The following PRKN variants were observed in gnomAD, a reference collection of about 807,000 sequenced individuals.
The protein encoded by PRKN is parkin RBR E3 ubiquitin protein ligase, also known as E3 ubiquitin-protein ligase parkin.
In PRKN, 56 loss-of-function variants were observed where a neutral mutation model predicts 59.5. The observed-to-expected ratio is 0.94, with a 90% CI of 0.76 to 1.18. The LOEUF is 1.18. Among genes scored for constraint, PRKN ranks in the 50% most tolerant of loss-of-function variants. The pLI, the probability that PRKN is intolerant of heterozygous loss-of-function variation, is 0.00. For synonymous variants in PRKN, 250 were observed against 222.1 expected (o/e 1.13, Z -1.12); for missense variants, 657 against 596.4 (o/e 1.10, Z -1.06).
chr6:162,651,481 T>C (rs948423635), intron 1 of PRKN, among the ~76,000 whole-genome samples: 2 of 152,188 alleles, frequency 1.3e-5, no homozygotes, highest in Admixed American at 6.5e-5. Flanking sequence ...CTCTCAATTA[T>C]TGCATTTTGA....
chr6:161,742,056 G>A lies in PRKN; in HGVS notation c.871+43716C>T, dbSNP rs182306629. ...ACGATCTTGGCACGCTGCAACCTCC[G>A]CCTCCGAGGCTCAAGTGATTCTCCT... On this transcript the variant is annotated intron_variant, in intron 7 of 11. Coordinates refer to ENST00000366898, the MANE Select transcript of PRKN (RefSeq NM_004562.3). 1.5e-3 allele frequency among the ~76,000 whole-genome samples: 228 copies of A among 152,146 alleles called. 1 individual carries two copies. Among genetic ancestry groups the A allele is most frequent in the African/African-American group, 5.2e-3 (217 of 41,514 alleles).
intron 4 of PRKN, among the ~76,000 whole-genome samples, chr6:162,157,543 A>G (rs1562547942): frequency 6.6e-6 from 1 of 150,886 alleles, no homozygotes; most frequent in Admixed American, 6.6e-5. Flanking sequence ...GCAAGACCAG[A>G]GCTTAGAAAA....
At chr6:162,668,493 C>T (rs73022433) in intron 1 of PRKN, among the ~76,000 whole-genome samples, 12,528 of 151,944 alleles carry the variant, frequency 0.082, 771 homozygotes, top group Admixed American at 0.2. Flanking sequence ...ATGCCAGAGA[C>T]GGGGAAAAAC....
At chr6:161,639,597 G>A (rs575603227) in intron 7 of PRKN, among the ~76,000 whole-genome samples, 47 of 152,268 alleles carry the variant, frequency 3.1e-4, no homozygotes, top group African/African-American at 8.7e-4. Flanking sequence ...CTGCACCTCC[G>A]GGAAATATGT....
chr6:162,412,995 G>T (rs1373673470), intron 2 of PRKN, among the ~76,000 whole-genome samples: 1 of 152,128 alleles, frequency 6.6e-6, no homozygotes, highest in Non-Finnish European at 1.5e-5. Flanking sequence ...AATGTATTGT[G>T]ATATGTTTGT....
At chr6:162,184,443 G>C (rs1223066500) in intron 4 of PRKN, among the ~76,000 whole-genome samples, 1 of 152,104 alleles carries the variant, frequency 6.6e-6, no homozygotes, top group African/African-American at 2.4e-5. Flanking sequence ...GAATCATGTG[G>C]GCGATTTCAC....
chr6:162,505,396 T>C (rs1793565730), intron 1 of PRKN, among the ~76,000 whole-genome samples: 1 of 152,148 alleles, frequency 6.6e-6, no homozygotes. Flanking sequence ...TCTCAAAATG[T>C]TGTTCAGGAA....
chr6:161,717,068 A>G (rs565246529), intron 7 of PRKN, among the ~76,000 whole-genome samples: 2 of 152,320 alleles, frequency 1.3e-5, no homozygotes, highest in East Asian at 3.9e-4. Context: ...CTTATGTTCT[A>G]CTAGGGACAG....
At position 161,442,689 on chromosome 6, in the gene PRKN, C is replaced by T. The variant is rs1246821021; in HGVS notation, c.1084-55812G>A. Reference sequence around the variant, plus strand: ...GTGGCTTGGAATTTAGCTGTTCCTTCGGGGCCCCGCTTACACACCAACACC... The same window carrying T: ...GTGGCTTGGAATTTAGCTGTTCCTTTGGGGCCCCGCTTACACACCAACACC... On this transcript the variant is annotated intron_variant, in intron 9 of 11. Coordinates refer to ENST00000366898, the MANE Select transcript of PRKN (RefSeq NM_004562.3). This position sits in a 1 kb window ranked among gnomAD's most constrained non-coding sequence, Gnocchi z 4.6. 3.9e-5 allele frequency among the ~76,000 whole-genome samples: 6 copies of T among 152,174 alleles called. No individual in the cohort carries two copies. The highest frequency in any genetic ancestry group is 5.9e-5 in the Non-Finnish European group (4 of 68,034).
intron 1 of PRKN, among the ~76,000 whole-genome samples, chr6:162,500,758 T>C (rs977454825): frequency 3.3e-5 from 5 of 152,222 alleles, no homozygotes; most frequent in African/African-American, 1.2e-4. Context: ...ATGCTATCTG[T>C]ATATAACTTG....
intron 4 of PRKN, among the ~76,000 whole-genome samples, chr6:162,157,100 A>T (rs1007117180): frequency 6.6e-5 from 10 of 151,462 alleles, no homozygotes; most frequent in African/African-American, 1.9e-4. Flanking sequence ...CTGGTTAATT[A>T]AAAAAAAACT....
chr6:161,866,623 C>A (rs1259985265), intron 6 of PRKN, among the ~76,000 whole-genome samples: 1 of 152,086 alleles, frequency 6.6e-6, no homozygotes, highest in Non-Finnish European at 1.5e-5. Flanking sequence ...AACAGAGACA[C>A]ACAAATGAGC....
At chr6:161,702,398 A>G (rs2128179367) in intron 7 of PRKN, among the ~76,000 whole-genome samples, 1 of 152,324 alleles carries the variant, frequency 6.6e-6, no homozygotes. Context: ...ACACAAATGG[A>G]CCTTAAAGAC....
At position 161,757,880 on chromosome 6, in the gene PRKN, T is replaced by TACAC. The variant is rs1240058288; in HGVS notation, c.871+27891_871+27892insGTGT. The stretch of plus-strand genomic sequence containing the variant: ...CTCTCTCTCTCTCTCTCTGTGTATA[T>TACAC]ATATATACACACACACACACACACA... On this transcript the variant is annotated intron_variant, in intron 7 of 11. Coordinates refer to ENST00000366898, the MANE Select transcript of PRKN (RefSeq NM_004562.3). Among the ~76,000 whole-genome samples, 116 of 96,834 alleles carry TACAC rather than the reference T, an allele frequency of 1.2e-3. 11 individuals carry two copies. Among genetic ancestry groups the TACAC allele is most frequent in the African/African-American group, 5.2e-3 (111 of 21,182 alleles). The allele number at this position is 96,834 out of a possible 152,430, so 63.5% of individuals were successfully genotyped here.
At position 162,470,297 on chromosome 6, in the gene PRKN, T is replaced by C. The variant is rs1294148313; in HGVS notation, c.8-26824A>G. 3.9e-5 allele frequency among the ~76,000 whole-genome samples: 6 copies of C among 152,342 alleles called. No homozygotes were observed. In the South Asian group the frequency reaches 6.2e-4, roughly 16 times the overall value. ...TCATTCACTCAACCAATGCTTGCTA[T>C]GGCTAGGCGCTGTTTTAGGCACCGT... is the stretch of plus-strand genomic sequence containing the variant. On this transcript the variant is annotated intron_variant, in intron 1 of 11. Coordinates refer to ENST00000366898, the MANE Select transcript of PRKN (RefSeq NM_004562.3).
intron 7 of PRKN, among the ~76,000 whole-genome samples, chr6:161,573,999 C>T (rs1269401416): frequency 1.3e-5 from 2 of 151,384 alleles, no homozygotes; most frequent in Admixed American, 6.6e-5. Flanking sequence ...GATGATAGCT[C>T]GTATATAAAC....
intron 6 of PRKN, among the ~76,000 whole-genome samples, chr6:161,892,879 A>G (rs1443445606): frequency 2.6e-5 from 4 of 152,234 alleles, no homozygotes; most frequent in East Asian, 3.9e-4. Flanking sequence ...GTCTCACTCT[A>G]TCACCCAGGC....
At position 161,440,188 on chromosome 6, in the gene PRKN, C is replaced by T. The variant is rs927087057; in HGVS notation, c.1084-53311G>A. Among the ~76,000 whole-genome samples, 12 of 151,964 alleles carry T rather than the reference C, an allele frequency of 7.9e-5. No homozygotes were observed. Among genetic ancestry groups the T allele is most frequent in the Non-Finnish European group, 1.6e-4 (11 of 67,994 alleles). On this transcript the variant is annotated intron_variant, in intron 9 of 11. Coordinates refer to ENST00000366898, the MANE Select transcript of PRKN (RefSeq NM_004562.3). This position sits in a 1 kb window ranked among gnomAD's most constrained non-coding sequence, Gnocchi z 4.1. ...CAGGATGCTCTCCATCTCCTGACCT[C>T]GTGATCCGCCCGTCTCGGCCTCCCA... is the stretch of plus-strand genomic sequence containing the variant.
At chr6:162,638,383 CTG>C (rs1321597269) in intron 1 of PRKN, among the ~76,000 whole-genome samples, 1 of 152,148 alleles carries the variant, frequency 6.6e-6, no homozygotes, top group African/African-American at 2.4e-5. Context: ...ACCATTAATT[CTG>C]TGACTTTCCA....
Sources: allele counts gnomAD v4.1 joint callset (sites outside exome capture counted in the v4.1 genomes callset), GRCh38; gene constraint gnomAD v4.1.1; non-coding constraint Gnocchi (gnomAD v3.1); transcripts MANE v1.5; gene names NCBI Gene and HGNC (gene_info 2026-07-23, HGNC 2026-07-21).